The following TRIM66 variants were observed in gnomAD, a reference collection of about 807,000 sequenced individuals.
TRIM66 encodes the protein tripartite motif-containing protein 66.
In TRIM66, 99 loss-of-function variants were observed where a neutral mutation model predicts 148.2. The observed-to-expected ratio is 0.67, with a 90% CI of 0.57 to 0.79. TRIM66 has a LOEUF of 0.79. TRIM66 is among the 30% of genes least tolerant of loss of function. TRIM66 has a pLI of 0.00. For missense variants in TRIM66, 1,666 were observed against 1,697.9 expected (o/e 0.98, Z 0.33); for synonymous variants, 616 against 635.9 (o/e 0.97, Z 0.47).
Position 8,640,418 on chromosome 11 carries a change from T to C in TRIM66, c.1957A>G (p.Met653Val), listed in dbSNP as rs1390640685. 2 of 1,551,554 alleles carry C rather than the reference T, an allele frequency of 1.3e-6. No homozygotes were observed. The highest frequency in any genetic ancestry group is 1.2e-5 in the South Asian group (1 of 84,016). The change falls in exon 14 of 25, where the codon ATG becomes GTG. Residue 653 changes from methionine (M) to valine (V), a missense_variant. Transcript: ENST00000646038. ...TCCTCCAGCTCAAACTTGTGATGCATTATGTCCATGTTCTGAGAACAGGCA... is the reference window on the plus strand; with the variant it reads ...TCCTCCAGCTCAAACTTGTGATGCACTATGTCCATGTTCTGAGAACAGGCA... ...GPACSQNMDI[M>V]HHKFELEEMQ...
chr11:8,676,864 C>T (rs577664147), intron 3 of TRIM66, among the ~76,000 whole-genome samples: 14 of 152,290 alleles, frequency 9.2e-5, no homozygotes, highest in African/African-American at 2.6e-4. Context: ...TCTATATGAA[C>T]GAAGTGCTTT....
intron 6 of TRIM66, among the ~76,000 whole-genome samples, chr11:8,655,485 G>A (rs1034196051): frequency 2.6e-5 from 4 of 150,962 alleles, no homozygotes; most frequent in Admixed American, 1.3e-4. Flanking sequence ...GCAGCCAGAC[G>A]TTTTTTTTTC....
intron 18 of TRIM66, 113 bp from the exon 19 acceptor site, chr11:8,621,932 T>C (rs2034262717): frequency 2.8e-6 from 3 of 1,071,630 alleles, no homozygotes; most frequent in Non-Finnish European, 3.8e-6. Context: ...TCAACTTGAT[T>C]GGATTGAAGG....
intron 14 of TRIM66, 113 bp downstream of exon 14, chr11:8,640,114 G>T: frequency 9.3e-7 from 1 of 1,073,040 alleles, no homozygotes; most frequent in Non-Finnish European, 1.3e-6. Flanking sequence ...GCTCAAGGCA[G>T]CCCTAAGGTG....
intron 4 of TRIM66, among the ~76,000 whole-genome samples, chr11:8,672,970 T>C: frequency 7.6e-6 from 1 of 131,822 alleles, no homozygotes; most frequent in African/African-American, 2.9e-5. Flanking sequence ...GATGGAGTCT[T>C]GCTCTGTTGC....
chr11:8,646,689 C>A lies in TRIM66; in HGVS notation c.843-128G>T, dbSNP rs1592124514. 1.0e-5 allele frequency: 7 copies of A among 667,352 alleles called. No homozygotes were observed. The Admixed American group carries it at 1.4e-4, about 13-fold the overall frequency. The allele number at this position is 667,352 out of a possible 1,614,324, so 41.3% of individuals were successfully genotyped here. The stretch of plus-strand genomic sequence containing the variant: ...ATCAGGGCCTAGCAGACACCAAATA[C>A]AAAAAAAAGAGAGCCTTCCTCCACC... On this transcript the variant is annotated intron_variant, in intron 10 of 24. Coordinates refer to ENST00000646038, the MANE Select transcript of TRIM66 (RefSeq NM_001388022.1).
intron 6 of TRIM66, among the ~76,000 whole-genome samples, chr11:8,663,455 T>A (rs1234744299): frequency 1.3e-5 from 2 of 152,110 alleles, no homozygotes; most frequent in Admixed American, 1.3e-4. Flanking sequence ...TAACAATAAC[T>A]AATAATAAAA....
Position 8,641,109 on chromosome 11 carries a change from A to G in TRIM66, c.1266T>C (p.Ala422=). The G allele has an allele frequency of 1.3e-6, 2 of 1,551,734 alleles. No homozygotes were observed. Among genetic ancestry groups the G allele is most frequent in the Non-Finnish European group, 8.7e-7 (1 of 1,146,982 alleles). ...TEGGQMSRAD[A]PAYGGLQGSS... The stretch of plus-strand genomic sequence containing the variant: ...ACCCCTGTAAGCCTCCATAAGCAGG[A>G]GCATCTGCCCTGGACATTTGTCCAC... The change falls in exon 14 of 25, where the codon GCT becomes GCC. Residue 422 remains alanine (A), a synonymous_variant. Transcript: ENST00000646038.
Position 8,625,136 on chromosome 11 carries a change from G to C in TRIM66, c.2403C>G (p.Ile801Met), listed in dbSNP as rs1412993771. The C allele has an allele frequency of 7.7e-6, 12 of 1,550,804 alleles. No homozygotes were observed. The Admixed American group carries it at 1.2e-4, about 15-fold the overall frequency. Residue 801 changes from isoleucine (I) to methionine (M), a missense_variant, in exon 16 of 25, where the codon ATC becomes ATG. By Grantham distance (10) the Ile-to-Met change is conservative (BLOSUM62 1). Coordinates refer to ENST00000646038, the MANE Select transcript of TRIM66 (RefSeq NM_001388022.1). ...CAGCTGTCAGGTTGCTCACACTCTGGATCTGTGGCTCTAGGGGCCTCTCCA... is the reference window on the plus strand; with the variant it reads ...CAGCTGTCAGGTTGCTCACACTCTGCATCTGTGGCTCTAGGGGCCTCTCCA... ...TRLERPLEPQ[I>M]QSVSNLTAGA...
chr11:8,681,777 C>T (rs1430990071), intron 1 of TRIM66, among the ~76,000 whole-genome samples: 1 of 151,812 alleles, frequency 6.6e-6, no homozygotes, highest in Non-Finnish European at 1.5e-5. Context: ...GGAAGACAAA[C>T]GTAGGTCAAT....
At chr11:8,622,334 C>CA (rs1423892777) in intron 18 of TRIM66, among the ~76,000 whole-genome samples, 1 of 60,252 alleles carries the variant, frequency 1.7e-5, no homozygotes, top group African/African-American at 5.3e-5. Flanking sequence ...AGTACACACA[C>CA]ACACAACACA....
chr11:8,668,905 G>A (rs555319349), intron 6 of TRIM66, among the ~76,000 whole-genome samples: 8 of 152,226 alleles, frequency 5.3e-5, no homozygotes, highest in African/African-American at 1.9e-4. Context: ...CATATTCCAA[G>A]CAGCAAACTT....
At chr11:8,668,890 G>C (rs1056420763) in intron 6 of TRIM66, among the ~76,000 whole-genome samples, 1 of 152,204 alleles carries the variant, frequency 6.6e-6, no homozygotes, top group South Asian at 2.1e-4. Flanking sequence ...CCAGTCCCAA[G>C]ATGGCATATT....
chr11:8,637,940 T>C (rs2036033080), intron 15 of TRIM66, among the ~76,000 whole-genome samples: 1 of 152,138 alleles, frequency 6.6e-6, no homozygotes, highest in South Asian at 2.1e-4. Flanking sequence ...GAATAGATAG[T>C]TGAGGATTTG....
At chr11:8,630,407 T>G (rs1377964182) in intron 15 of TRIM66, among the ~76,000 whole-genome samples, 2 of 152,252 alleles carry the variant, frequency 1.3e-5, no homozygotes, top group African/African-American at 4.8e-5. Context: ...TCACTGAGGT[T>G]TCTAGGCTGT....
chr11:8,682,781 C>G (rs199718508), upstream of TRIM66: 121 of 1,613,440 alleles, frequency 7.5e-5, no homozygotes, highest in East Asian at 1.3e-4. Flanking sequence ...CGAGACTTGG[C>G]GAAGGCCTTC....
chr11:8,621,295 G>A lies in TRIM66; in HGVS notation c.3282C>T (p.Ala1094=), dbSNP rs1412019511. The part of the protein sequence containing the change: ...IKVSQDRLSE[A]TQAPGLEGRK... ...TTCCCTCCAGACCTGGGGCCTGGGTGGCCTCAGACAGTCTGTCCTGGCTGA... is the reference window on the plus strand; with the variant it reads ...TTCCCTCCAGACCTGGGGCCTGGGTAGCCTCAGACAGTCTGTCCTGGCTGA... Residue 1094 remains alanine (A), a synonymous_variant, in exon 20 of 25, where the codon GCC becomes GCT. Coordinates refer to ENST00000646038, the MANE Select transcript of TRIM66 (RefSeq NM_001388022.1). 1 of 1,551,554 alleles carries A rather than the reference G, an allele frequency of 6.4e-7. No individual in the cohort carries two copies. The highest frequency in any genetic ancestry group is 2.0e-5 in the Admixed American group (1 of 50,998).
chr11:8,654,994 G>A (rs2133308476), intron 6 of TRIM66, among the ~76,000 whole-genome samples: 1 of 152,228 alleles, frequency 6.6e-6, no homozygotes, highest in Middle Eastern at 3.4e-3. Flanking sequence ...CTGAGTAGCT[G>A]GGATTACAGG....
intron 6 of TRIM66, among the ~76,000 whole-genome samples, chr11:8,667,722 T>C (rs181868702): frequency 5.6e-4 from 85 of 152,354 alleles, no homozygotes; most frequent in African/African-American, 2.0e-3. Context: ...GCTTCATCCA[T>C]GTTGTAGCAT....
Sources: allele counts gnomAD v4.1 joint callset (sites outside exome capture counted in the v4.1 genomes callset), GRCh38; gene constraint gnomAD v4.1.1; transcripts MANE v1.5; gene names NCBI Gene and HGNC (gene_info 2026-07-23, HGNC 2026-07-21).